Variants in LRRC27 observed in about 807,000 individuals in gnomAD.
LRRC27 encodes leucine rich repeat containing 27.
Under a neutral mutation model 55.0 loss-of-function variants are expected in LRRC27, and 57 were observed. That is an observed-to-expected ratio of 1.04 (90% CI 0.84 to 1.29). The LOEUF (loss-of-function observed/expected upper bound fraction) is 1.29, where lower values mean the gene tolerates loss of function less well. LRRC27 is among the 50% of genes most tolerant of loss of function. The pLI is 0.00. For synonymous variants in LRRC27, 278 were observed against 251.9 expected (o/e 1.10, Z -0.98); for missense variants, 721 against 651.5 (o/e 1.11, Z -1.16).
At chr10:132,356,229 G>A (rs2068305182) in intron 8 of LRRC27, among the ~76,000 whole-genome samples, 1 of 152,256 alleles carries the variant, frequency 6.6e-6, no homozygotes, top group South Asian at 2.1e-4. Context: ...AGGCGGAAGA[G>A]GAGATGAGGG....
intron 9 of LRRC27, among the ~76,000 whole-genome samples, chr10:132,364,549 A>ACACCCACACTCACACC (rs1564854013): frequency 3.2e-4 from 11 of 34,358 alleles, no homozygotes; most frequent in East Asian, 6.1e-4. Flanking sequence ...ATCTACCTCC[A>ACACCCACACTCACACC]CACCCACACT....
rs3931453 is a variant in LRRC27 at position 132,356,401 on chromosome 10, A to G, written c.1170+515A>G. ...TGGGACATGGGATATCCTGAGTACCATCCCCCAAGATTGCCAGCTCTTAAG... is the reference window on the plus strand; with the variant it reads ...TGGGACATGGGATATCCTGAGTACCGTCCCCCAAGATTGCCAGCTCTTAAG... On this transcript the variant is annotated intron_variant, in intron 8 of 10. Transcript: ENST00000368614. Among the ~76,000 whole-genome samples the G allele has an allele frequency of 5.4e-3, 628 of 116,970 alleles. 6 individuals are homozygous for G. Among genetic ancestry groups the G allele is most frequent in the Admixed American group, 0.011 (113 of 10,352 alleles). 76.7% of individuals were successfully genotyped at this position (116,970 alleles called of 152,430 possible).
chr10:132,379,839 A>G lies in LRRC27; in HGVS notation c.*4597A>G, dbSNP rs58466035. On this transcript the variant is annotated 3_prime_UTR_variant, in exon 11 of 11. Transcript: ENST00000368614. ...CACTTATAAGTGGATTTTTAAAAAAATATATATTGCAAAAATTTTTGGAAA... is the reference window on the plus strand; with the variant it reads ...CACTTATAAGTGGATTTTTAAAAAAGTATATATTGCAAAAATTTTTGGAAA... The G allele has an allele frequency of 6.6e-6, 1 of 152,500 alleles. No individual in the cohort carries two copies. The highest frequency in any genetic ancestry group is 1.9e-4 in the East Asian group (1 of 5,200). The allele number at this position is 152,500 out of a possible 1,614,324, so 9.4% of individuals were successfully genotyped here. A position where few individuals can be genotyped will look rare whatever the true frequency, so the allele number is the denominator to read the frequency against.
intron 9 of LRRC27, 136 bp from the exon 10 acceptor site, chr10:132,365,288 A>G (rs1161387789): frequency 3.3e-6 from 4 of 1,206,578 alleles, no homozygotes; most frequent in Non-Finnish European, 4.8e-6. Flanking sequence ...AGTAACTGGC[A>G]CAGCTGTGCG....
chr10:132,344,332 CAG>C (rs1388251149), intron 4 of LRRC27, among the ~76,000 whole-genome samples, 164 bp from the exon 5 acceptor site: 1 of 152,214 alleles, frequency 6.6e-6, no homozygotes, highest in African/African-American at 2.4e-5. Flanking sequence ...CCGTCTCCTG[CAG>C]AGTTACCTTT....
At chr10:132,345,823 GA>G (rs1422599838) in intron 5 of LRRC27, among the ~76,000 whole-genome samples, 1 of 152,160 alleles carries the variant, frequency 6.6e-6, no homozygotes, top group Admixed American at 6.5e-5. Context: ...GGAGGATCAG[GA>G]TAAAAAAGAG....
upstream of LRRC27, chr10:132,332,062 C>A: frequency 3.4e-6 from 1 of 295,662 alleles, no homozygotes; most frequent in East Asian, 6.3e-5. Context: ...CCCCACAACA[C>A]GCACACCCCC....
chr10:132,342,050 A>G (rs2067440306), intron 3 of LRRC27, among the ~76,000 whole-genome samples, 163 bp from the exon 4 acceptor site: 1 of 152,228 alleles, frequency 6.6e-6, no homozygotes, highest in African/African-American at 2.4e-5. Flanking sequence ...CTGTGTTTGC[A>G]TATGACAGCA....
intron 10 of LRRC27, among the ~76,000 whole-genome samples, chr10:132,373,953 A>G (rs954367606): frequency 1.3e-5 from 2 of 152,234 alleles, no homozygotes; most frequent in African/African-American, 2.4e-5. Context: ...TTCGTTATCA[A>G]TGACTACTTA....
chr10:132,353,382 A>G, intron 7 of LRRC27: 1 of 1,038,044 alleles, frequency 9.6e-7, no homozygotes, highest in South Asian at 3.6e-5. Context: ...ACATGAATAA[A>G]CCCTCCTGAA....
rs1408225413 is a variant in LRRC27, at chr10:132,380,124, C to T, written c.*4882C>T. ...CCAGCCTGGCCAACATGGAGAAACC[C>T]CGTGACTACTAAAAATAAAAAATTA... On this transcript the variant is annotated 3_prime_UTR_variant, in exon 11 of 11. Transcript: ENST00000368614. Among the ~76,000 whole-genome samples the T allele has an allele frequency of 6.6e-6, 1 of 152,038 alleles. No homozygotes were observed. Among genetic ancestry groups the T allele is most frequent in the Non-Finnish European group, 1.5e-5 (1 of 68,014 alleles).
intron 10 of LRRC27, among the ~76,000 whole-genome samples, chr10:132,368,377 G>A (rs181310462): frequency 1.3e-5 from 2 of 152,258 alleles, no homozygotes; most frequent in Admixed American, 1.3e-4. Flanking sequence ...ATCCAACACA[G>A]TATTGATGGA....
intron 1 of LRRC27, 72 bp from the exon 2 acceptor site, chr10:132,333,405 C>G (rs989152644): frequency 1.7e-6 from 1 of 585,902 alleles, no homozygotes; most frequent in African/African-American, 1.9e-5. Context: ...TACAGTAGAT[C>G]TGCCACACAG....
chr10:132,354,140 G>A (rs2132977881), intron 7 of LRRC27, among the ~76,000 whole-genome samples: 1 of 152,320 alleles, frequency 6.6e-6, no homozygotes, highest in South Asian at 2.1e-4. Flanking sequence ...CCAGCTGCAG[G>A]GGGCAGAAAG....
Position 132,333,837 on chromosome 10 carries a change from T to G in LRRC27, c.210+103T>G, listed in dbSNP as rs12416634. 99 of 855,384 alleles carry G rather than the reference T, an allele frequency of 1.2e-4. No homozygotes were observed. The Middle Eastern group carries it at 2.2e-3, about 19-fold the overall frequency. The allele number at this position is 855,384 out of a possible 1,614,324, so 53.0% of individuals were successfully genotyped here. On this transcript the variant is annotated intron_variant, in intron 2 of 10. Transcript: ENST00000368614. ...TTTGTAGGCTTCTTTCTCTTTGGAA[T>G]TGATGAATTCTAAAATTAAATAGAG... is the stretch of plus-strand genomic sequence containing the variant.
chr10:132,353,298 T>C (rs778218223), intron 7 of LRRC27: 286 of 1,177,076 alleles, frequency 2.4e-4, no homozygotes, highest in Non-Finnish European at 2.9e-4. Flanking sequence ...GTCTGTCCTG[T>C]GGGCGGCTGC....
chr10:132,331,789 G>A, upstream of LRRC27: 2 of 1,605,474 alleles, frequency 1.2e-6, no homozygotes, highest in East Asian at 2.2e-5. Flanking sequence ...CCAGACCCTC[G>A]CGGTCTCTAC....
intron 10 of LRRC27, chr10:132,366,943 T>C: frequency 7.8e-7 from 1 of 1,284,578 alleles, no homozygotes; most frequent in Middle Eastern, 2.1e-4. Context: ...TGAGACTCTT[T>C]TCCTCCTCAG....
chr10:132,335,575 TG>T (rs548574139), intron 2 of LRRC27, among the ~76,000 whole-genome samples: 3 of 141,486 alleles, frequency 2.1e-5, no homozygotes, highest in East Asian at 2.1e-4. Flanking sequence ...CTGAGTACTA[TG>T]GGGGGGGTCA....
Sources: gnomAD v4.1 joint callset for allele counts (sites outside exome capture counted in the v4.1 genomes callset) on GRCh38, gnomAD v4.1.1 for gene constraint, MANE v1.5 for transcripts, NCBI Gene and HGNC (gene_info 2026-07-23, HGNC 2026-07-21) for gene names.